Variants in VPS8 observed in about 807,000 individuals in gnomAD.
VPS8 encodes vacuolar protein sorting-associated protein 8 homolog.
Under a neutral mutation model 216.4 loss-of-function variants are expected in VPS8, and 129 were observed. The observed-to-expected ratio is 0.60, with a 90% CI of 0.52 to 0.69. The LOEUF (loss-of-function observed/expected upper bound fraction) is 0.69, where lower values mean the gene tolerates loss of function less well. Ranked by LOEUF, VPS8 falls within the 30% of genes least tolerant of loss-of-function variation. The probability of loss-of-function intolerance (pLI) is 0.00; values close to 1 mark genes in which losing one functional copy is unlikely to be tolerated. For missense variants in VPS8, 1,531 were observed against 1,683.5 expected, an observed-to-expected ratio of 0.91 and a Z score of 1.59; for synonymous variants, 571 against 565.4, an observed-to-expected ratio of 1.01 and a Z score of -0.14.
intron 25 of VPS8, among the ~76,000 whole-genome samples, chr3:184,910,895 TC>T (rs1192558809): frequency 6.6e-6 from 1 of 152,220 alleles, no homozygotes; most frequent in African/African-American, 2.4e-5. Flanking sequence ...TTTGGTATCT[TC>T]AGGTAGTTAC....
At chr3:184,969,394 G>T in intron 39 of VPS8, among the ~76,000 whole-genome samples, 1 of 126,304 alleles carries the variant, frequency 7.9e-6, no homozygotes. Context: ...GGGATTACAG[G>T]TATGAGCCAC....
chr3:184,862,780 T>C (rs1191384093), intron 15 of VPS8, 117 bp from the exon 16 acceptor site: 4 of 1,046,050 alleles, frequency 3.8e-6, no homozygotes, highest in Non-Finnish European at 4.2e-6. Context: ...GCCATGTAAA[T>C]TGTTAAATGG....
intron 25 of VPS8, among the ~76,000 whole-genome samples, chr3:184,904,503 T>G (rs1220946323): frequency 6.6e-6 from 1 of 152,350 alleles, no homozygotes; most frequent in African/African-American, 2.4e-5. Flanking sequence ...GTTTAATTGA[T>G]CCTGTATGTT....
chr3:184,865,903 G>A (rs1183760259), intron 16 of VPS8, among the ~76,000 whole-genome samples: 4 of 151,742 alleles, frequency 2.6e-5, no homozygotes, highest in Admixed American at 6.6e-5. Flanking sequence ...CAGGAGAATC[G>A]CTTGAACCCA....
chr3:184,959,310 C>T (rs1401803718), intron 37 of VPS8, among the ~76,000 whole-genome samples: 1 of 152,048 alleles, frequency 6.6e-6, no homozygotes, highest in Admixed American at 6.6e-5. Context: ...TAATGACATC[C>T]CAGTCAAAGC....
At chr3:184,826,831 C>G (rs1718894566) in intron 3 of VPS8, among the ~76,000 whole-genome samples, 1 of 152,108 alleles carries the variant, frequency 6.6e-6, no homozygotes, top group African/African-American at 2.4e-5. Flanking sequence ...CTTATGAATA[C>G]CATTTCTAAT....
chr3:184,878,035 G>C (rs185994982), intron 21 of VPS8, among the ~76,000 whole-genome samples: 2 of 152,110 alleles, frequency 1.3e-5, no homozygotes, highest in Admixed American at 1.3e-4. Context: ...ACAACGTAGA[G>C]GTATAAATAA....
chr3:184,894,544 A>ACG (rs1419957693), intron 22 of VPS8, among the ~76,000 whole-genome samples, 159 bp from the exon 23 acceptor site: 174 of 149,038 alleles, frequency 1.2e-3, no homozygotes, highest in Non-Finnish European at 1.8e-3. Flanking sequence ...ACACACACAC[A>ACG]AAGTTTTTGC....
At chr3:184,944,055 AC>A (rs1227156448) in intron 36 of VPS8, among the ~76,000 whole-genome samples, 1,590 of 152,272 alleles carry the variant, frequency 0.01, 28 homozygotes, top group African/African-American at 0.036. Flanking sequence ...ACACACACAC[AC>A]ACACACAAAC....
chr3:184,876,716 T>C (rs1729344840), intron 21 of VPS8, among the ~76,000 whole-genome samples: 1 of 152,210 alleles, frequency 6.6e-6, no homozygotes, highest in African/African-American at 2.4e-5. Context: ...TGTTCCTGGC[T>C]ATTCTGCCTC....
chr3:184,909,276 A>G (rs909312068), intron 25 of VPS8, among the ~76,000 whole-genome samples: 22 of 152,232 alleles, frequency 1.4e-4, no homozygotes, highest in Admixed American at 8.5e-4. Context: ...ATTTTTCTGA[A>G]TAAACATTCC....
chr3:184,961,225 A>G (rs1746450065), intron 37 of VPS8, among the ~76,000 whole-genome samples: 1 of 152,326 alleles, frequency 6.6e-6, no homozygotes, highest in South Asian at 2.1e-4. Context: ...ATGTACAGAC[A>G]CACACGTTAT....
At chr3:185,045,785 A>T (rs1177491182) in intron 46 of VPS8, among the ~76,000 whole-genome samples, 1 of 148,042 alleles carries the variant, frequency 6.8e-6, no homozygotes, top group Non-Finnish European at 1.5e-5. Flanking sequence ...AAAAAAAAAA[A>T]GAGGTCTGTG....
At chr3:184,940,530 A>G (rs1294433891) in intron 36 of VPS8, among the ~76,000 whole-genome samples, 1 of 152,186 alleles carries the variant, frequency 6.6e-6, no homozygotes, top group Non-Finnish European at 1.5e-5. Flanking sequence ...ATGTTTCAGA[A>G]GAGTTAGCTT....
chr3:185,018,891 A>G (rs932643770), intron 45 of VPS8, among the ~76,000 whole-genome samples: 2 of 152,204 alleles, frequency 1.3e-5, no homozygotes, highest in African/African-American at 4.8e-5. Context: ...TCACTGGGGC[A>G]ACTACTTTTT....
intron 45 of VPS8, among the ~76,000 whole-genome samples, chr3:185,003,605 TC>T: frequency 6.6e-6 from 1 of 151,464 alleles, no homozygotes; most frequent in Non-Finnish European, 1.5e-5. Context: ...TCCCCACCTT[TC>T]CCCCTTTTCT....
intron 22 of VPS8, among the ~76,000 whole-genome samples, chr3:184,892,031 T>G (rs1205530526): frequency 1.3e-5 from 2 of 152,220 alleles, no homozygotes; most frequent in Non-Finnish European, 2.9e-5. Context: ...AAGTGAAGTT[T>G]GTAGAAATAT....
At chr3:184,880,239 A>G (rs1280070139) in intron 21 of VPS8, among the ~76,000 whole-genome samples, 2 of 152,192 alleles carry the variant, frequency 1.3e-5, no homozygotes, top group Non-Finnish European at 2.9e-5. Flanking sequence ...GATATTGATA[A>G]GGTAAAGATA....
Position 184,834,676 on chromosome 3 carries a change from A to G in VPS8, c.381A>G (p.Ser127=), listed in dbSNP as rs1346291156. The change falls in exon 5 of 48, where the codon TCA becomes TCG. Residue 127 remains serine (S), a synonymous_variant. Coordinates refer to ENST00000625842, the MANE Select transcript of VPS8 (RefSeq NM_001009921.3). The part of the protein sequence containing the change: ...KRKKKLPDSF[S]LHGSVMRHSL... ...AGAAGAAATTACCTGATTCTTTTTC[A>G]CTTCATGGATCAGTTATGCGCCATT... 6.5e-7 allele frequency: 1 copy of G among 1,549,086 alleles called. No individual in the cohort carries two copies. Among genetic ancestry groups the G allele is most frequent in the Non-Finnish European group, 8.7e-7 (1 of 1,147,188 alleles).
Sources: allele counts gnomAD v4.1 joint callset (sites outside exome capture counted in the v4.1 genomes callset), GRCh38; gene constraint gnomAD v4.1.1; transcripts MANE v1.5; gene names NCBI Gene and HGNC (gene_info 2026-07-23, HGNC 2026-07-21).